Variants in CNTN6 observed in about 807,000 individuals in gnomAD.
The protein encoded by CNTN6 is contactin-6.
Under a neutral mutation model 122.8 loss-of-function variants are expected in CNTN6, and 137 were observed. The observed-to-expected ratio is 1.12, with a 90% CI of 0.97 to 1.29. CNTN6 has a LOEUF of 1.29. Ranked by LOEUF, CNTN6 falls within the 50% of genes most tolerant of loss-of-function variation. CNTN6 has a pLI of 0.00. For missense variants in CNTN6, 1,634 were observed against 1,223.4 expected (o/e 1.34, Z -5.01); for synonymous variants, 570 against 426.0 (o/e 1.34, Z -4.16).
intron 12 of CNTN6, among the ~76,000 whole-genome samples, chr3:1,370,099 T>C (rs1708795796): frequency 6.6e-6 from 1 of 152,074 alleles, no homozygotes; most frequent in Non-Finnish European, 1.5e-5. Flanking sequence ...TTTCTACTAG[T>C]TTATTCTTTG....
rs17037542 is a variant in CNTN6 at position 1,315,307 on chromosome 3, G to A, written c.762-6343G>A. ...TATCAACATGGACAAACTACACAGA[G>A]TCTAAAAAGAATGCTGAAGCCACAG... On this transcript the variant is annotated intron_variant, in intron 7 of 22. Transcript: ENST00000446702. Among the ~76,000 whole-genome samples the A allele has an allele frequency of 4.2e-3, 632 of 152,124 alleles. 5 individuals are homozygous for A. The highest frequency in any genetic ancestry group is 7.8e-3 in the Non-Finnish European group (529 of 67,962).
rs140181023 is a variant in CNTN6, at chr3:1,245,974, G to A, written c.358+17981G>A. ...TAAGAAAATGTATGAATTTTTGTTG[G>A]GCCACATTCAAAGCCATCCTGGGTT... On this transcript the variant is annotated intron_variant, in intron 4 of 22. Transcript: ENST00000446702. 4.6e-5 allele frequency among the ~76,000 whole-genome samples: 7 copies of A among 152,082 alleles called. No homozygotes were observed. In the East Asian group the frequency reaches 1.4e-3, roughly 29 times the overall value.
intron 1 of CNTN6, among the ~76,000 whole-genome samples, chr3:1,104,733 T>C (rs971425512): frequency 6.6e-6 from 1 of 152,198 alleles, no homozygotes; most frequent in African/African-American, 2.4e-5. Flanking sequence ...CTTTCAGTCA[T>C]CTTGTATATG....
chr3:1,204,111 C>T lies in CNTN6; in HGVS notation c.56-16576C>T, dbSNP rs181926543. Among the ~76,000 whole-genome samples the T allele has an allele frequency of 2.0e-5, 3 of 152,252 alleles. No individual in the cohort carries two copies. In the East Asian group the frequency reaches 5.8e-4, roughly 29 times the overall value. On this transcript the variant is annotated intron_variant, in intron 2 of 22. Coordinates refer to ENST00000446702, the MANE Select transcript of CNTN6 (RefSeq NM_001289080.2). ...CGCAGAATGCATTTCCATGGTTAAG[C>T]CACTCATGACTGTATTTACTTTTTC...
intron 3 of CNTN6, among the ~76,000 whole-genome samples, chr3:1,227,551 T>C (rs1304544138): frequency 6.6e-6 from 1 of 152,212 alleles, no homozygotes; most frequent in Non-Finnish European, 1.5e-5. Context: ...CTAATTTTTA[T>C]TTCTCATGTT....
intron 2 of CNTN6, among the ~76,000 whole-genome samples, chr3:1,191,757 G>T (rs1279026686): frequency 6.6e-6 from 1 of 152,010 alleles, no homozygotes; most frequent in African/African-American, 2.4e-5. Flanking sequence ...TAACCTGTGG[G>T]GGCTACACTT....
intron 2 of CNTN6, among the ~76,000 whole-genome samples, chr3:1,194,009 G>A (rs755283084): frequency 2.0e-5 from 3 of 151,986 alleles, no homozygotes; most frequent in African/African-American, 2.4e-5. Flanking sequence ...CCTTATGCAG[G>A]CCCTATGCTA....
intron 4 of CNTN6, among the ~76,000 whole-genome samples, chr3:1,231,339 C>T (rs537035148): frequency 1.3e-5 from 2 of 152,316 alleles, no homozygotes; most frequent in East Asian, 1.9e-4. Context: ...GCTTCCTGTC[C>T]GTTGGCAGTC....
At chr3:1,139,457 C>T (rs369812576) in intron 1 of CNTN6, among the ~76,000 whole-genome samples, 1 of 152,208 alleles carries the variant, frequency 6.6e-6, no homozygotes, top group East Asian at 1.9e-4. Flanking sequence ...AGAGCCTGAC[C>T]TTCTTGTACT....
At chr3:1,186,535 G>A (rs1460222684) in intron 2 of CNTN6, among the ~76,000 whole-genome samples, 3 of 152,136 alleles carry the variant, frequency 2.0e-5, no homozygotes, top group Non-Finnish European at 4.4e-5. Flanking sequence ...TCACTACTCT[G>A]CATCCCACTT....
At chr3:1,106,905 G>T (rs903792295) in intron 1 of CNTN6, among the ~76,000 whole-genome samples, 1 of 152,046 alleles carries the variant, frequency 6.6e-6, no homozygotes, top group Non-Finnish European at 1.5e-5. Context: ...ATAAAACAGC[G>T]TTGAGTTACT....
intron 7 of CNTN6, among the ~76,000 whole-genome samples, chr3:1,298,628 A>T (rs1465142868): frequency 2.0e-5 from 3 of 152,124 alleles, no homozygotes; most frequent in Non-Finnish European, 4.4e-5. Flanking sequence ...GAGGTATACA[A>T]ATTTCATTTT....
intron 8 of CNTN6, among the ~76,000 whole-genome samples, chr3:1,323,811 A>C (rs947570080): frequency 1.3e-5 from 2 of 151,912 alleles, no homozygotes; most frequent in East Asian, 3.9e-4. Context: ...CTCTTCTCCC[A>C]TGAATTTCCT....
intron 1 of CNTN6, among the ~76,000 whole-genome samples, chr3:1,095,349 T>C (rs2090469328): frequency 6.6e-6 from 1 of 152,110 alleles, no homozygotes; most frequent in Non-Finnish European, 1.5e-5. Flanking sequence ...CGTGTGCCTG[T>C]AGTCACAGCT....
chr3:1,187,707 T>C (rs1245894165), intron 2 of CNTN6, among the ~76,000 whole-genome samples: 2 of 152,188 alleles, frequency 1.3e-5, no homozygotes, highest in Non-Finnish European at 2.9e-5. Flanking sequence ...GACCTCTTGT[T>C]CATAAATCAT....
intron 1 of CNTN6, among the ~76,000 whole-genome samples, chr3:1,099,624 T>A (rs2090771200): frequency 6.6e-6 from 1 of 152,158 alleles, no homozygotes; most frequent in African/African-American, 2.4e-5. Flanking sequence ...ACACATTAAG[T>A]GAGATTTTCA....
intron 8 of CNTN6, among the ~76,000 whole-genome samples, chr3:1,323,422 G>T (rs548310988): frequency 2.1e-4 from 32 of 151,686 alleles, no homozygotes; most frequent in Non-Finnish European, 4.6e-4. Context: ...AATGGTCCTT[G>T]TAGGGGAATA....
intron 2 of CNTN6, among the ~76,000 whole-genome samples, chr3:1,168,550 A>T (rs150563263): frequency 1.1e-4 from 16 of 151,876 alleles, no homozygotes; most frequent in Admixed American, 9.2e-4. Context: ...TGAGACGTAT[A>T]GTCACAAATA....
chr3:1,365,791 A>C (rs748269135), intron 12 of CNTN6, among the ~76,000 whole-genome samples: 10 of 152,132 alleles, frequency 6.6e-5, no homozygotes, highest in Non-Finnish European at 1.0e-4. Flanking sequence ...AAGAAATGAT[A>C]AAAGTGGAGA....
Sources: gnomAD v4.1 joint callset for allele counts (sites outside exome capture counted in the v4.1 genomes callset) on GRCh38, gnomAD v4.1.1 for gene constraint, MANE v1.5 for transcripts, NCBI Gene and HGNC (gene_info 2026-07-23, HGNC 2026-07-21) for gene names.